Variants in LZTS2 observed in about 807,000 individuals in gnomAD.
LZTS2 encodes leucine zipper putative tumor suppressor 2.
In LZTS2, 32 loss-of-function variants were observed where a neutral mutation model predicts 60.6. That is an observed-to-expected ratio of 0.53 (90% CI 0.40 to 0.71). The LOEUF is 0.71. Ranked by LOEUF, LZTS2 falls within the 30% of genes least tolerant of loss-of-function variation. The pLI, the probability that LZTS2 is intolerant of heterozygous loss-of-function variation, is 0.00. For missense variants in LZTS2, 792 were observed against 901.9 expected (o/e 0.88, Z 1.56); for synonymous variants, 360 against 393.1 (o/e 0.92, Z 1.00).
At chr10:101,007,370 TC>T (rs747171690) in exon 4 of LZTS2, 22 of 1,416,528 alleles carry the variant, frequency 1.6e-5, no homozygotes, top group Non-Finnish European at 1.9e-5. Context: ...CGCTCAAAGG[TC>T]CCCGTGTTCA....
chr10:101,003,073 C>A, intron 1 of LZTS2, 127 bp downstream of exon 2: 2 of 1,192,996 alleles, frequency 1.7e-6, no homozygotes, highest in Non-Finnish European at 2.3e-6. Context: ...GTCCTAATCC[C>A]AGCTCTCTCT....
exon 4 of LZTS2, chr10:101,007,263 TG>T: frequency 7.0e-7 from 1 of 1,431,562 alleles, no homozygotes; most frequent in Non-Finnish European, 9.1e-7. Flanking sequence ...CCCCAAAGGC[TG>T]AGGGCCCCAA....
At position 101,007,125 on chromosome 10, in the gene LZTS2, C is replaced by T. The variant is rs750247593; in HGVS notation, c.1967C>T (p.Ala656Val). ...GCTGACCTGGGCCTGGCCGAGCAGG[C>T]CCCCTGCATCTGCCTGGAGGAGATC... Residue 656 changes from alanine (A) to valine (V), a missense_variant, in exon 4 of 4, where the codon GCC (alanine) becomes GTC (valine). Ala to Val is a moderately conservative substitution (Grantham distance 64, BLOSUM62 0). Coordinates refer to ENST00000370220, the Ensembl canonical transcript of LZTS2. The T allele has an allele frequency of 2.2e-5, 35 of 1,608,266 alleles. No individual in the cohort carries two copies. Among genetic ancestry groups the T allele is most frequent in the Admixed American group, 1.5e-4 (9 of 59,592 alleles).
exon 2 of LZTS2, chr10:101,004,013 C>G (rs1273675490): frequency 6.2e-7 from 1 of 1,613,170 alleles, no homozygotes; most frequent in Admixed American, 1.7e-5. Flanking sequence ...CTGACAGCAG[C>G]TCCTGTGGGG....
At chr10:100,999,450 T>G (rs1192209991), upstream of LZTS2, 1 of 152,476 alleles carries the variant, frequency 6.6e-6, no homozygotes, top group South Asian at 2.1e-4. Context: ...CAGGGAAGCT[T>G]CGCCTGGAGA....
rs1852253560 is a variant in LZTS2 at position 101,007,521 on chromosome 10, TC to T, written c.*359del. The T allele has an allele frequency of 9.7e-6, 13 of 1,337,402 alleles. No individual in the cohort carries two copies. The East Asian group carries it at 1.4e-4, about 14-fold the overall frequency. The allele number at this position is 1,337,402 out of a possible 1,614,324, so 82.8% of individuals were successfully genotyped here. On this transcript the variant is annotated 3_prime_UTR_variant, in exon 4 of 4. Coordinates refer to ENST00000370220, the Ensembl canonical transcript of LZTS2. ...AGAAGGGGCTCCCTCCTCTTCACAT[TC>T]CCCCCGACCCCAAAGCCAGAGAAAG...
intron 1 of LZTS2, 87 bp downstream of exon 2, chr10:101,003,033 G>C: frequency 6.9e-7 from 1 of 1,452,470 alleles, no homozygotes. Flanking sequence ...ATAGAGGAAA[G>C]AGTGTGGGCT....
chr10:101,006,931 G>A (rs1221251075), exon 4 of LZTS2: 2 of 1,535,898 alleles, frequency 1.3e-6, no homozygotes, highest in African/African-American at 2.7e-5. Flanking sequence ...GGGGTGAGGA[G>A]CAGCGGGACA....
At chr10:101,003,389 C>T (rs1229710508) in intron 1 of LZTS2, 118 bp from the exon 3 acceptor site, 2 of 1,095,998 alleles carry the variant, frequency 1.8e-6, no homozygotes, top group Middle Eastern at 2.1e-4. Flanking sequence ...CCACCAGTGG[C>T]CGCAATTGTT....
At position 101,006,661 on chromosome 10, in the gene LZTS2, T is replaced by C. The variant is rs768340088; in HGVS notation, c.1503T>C (p.Ala501=). 272 of 1,588,458 alleles carry C rather than the reference T, an allele frequency of 1.7e-4. No individual in the cohort carries two copies. The highest frequency in any genetic ancestry group is 2.4e-4 in the South Asian group (21 of 88,890). Residue 501 remains alanine (A), a synonymous_variant, in exon 4 of 4, where the codon GCT becomes GCC. Transcript: ENST00000370220. ...GGGGTCTACAGGAGGCCGCCCGAGC[T>C]CGGGAGCTGGAGCTGGAAGCCTGTT...
intron 1 of LZTS2, 157 bp downstream of exon 2, chr10:101,003,103 C>T (rs770916872): frequency 2.7e-4 from 257 of 962,216 alleles, no homozygotes; most frequent in Non-Finnish European, 3.4e-4. Flanking sequence ...TGTGTGACCT[C>T]AGGGAAGTCA....
At chr10:101,002,072 A>G (rs1852050768) in exon 1 of LZTS2, 2 of 154,718 alleles carry the variant, frequency 1.3e-5, no homozygotes, top group African/African-American at 4.8e-5. Context: ...TGCTGATTGC[A>G]CCCCTGAGGT....
upstream of LZTS2, chr10:100,999,438 G>C (rs1401176775): frequency 6.6e-6 from 1 of 152,554 alleles, no homozygotes; most frequent in African/African-American, 2.4e-5. Flanking sequence ...CTGAGAGCGT[G>C]TCAGGGAAGC....
chr10:101,002,850 C>T lies in LZTS2; in HGVS notation c.312C>T (p.Ser104=). The T allele has an allele frequency of 1.9e-6, 3 of 1,613,922 alleles. No homozygotes were observed. In the South Asian group the frequency reaches 3.3e-5, roughly 18 times the overall value. ...GGACAGAGTCACCCCCCAGCCCAAG[C>T]AGTGATGTTGAGGATGCCCGAGAGC... The change falls in exon 1 of 4, where the codon AGC becomes AGT. Residue 104 remains serine, a synonymous_variant. Coordinates refer to ENST00000370220, the Ensembl canonical transcript of LZTS2.
At chr10:101,004,248 C>A in intron 2 of LZTS2, 82 bp downstream of exon 3, 10 of 1,467,366 alleles carry the variant, frequency 6.8e-6, no homozygotes, top group Non-Finnish European at 9.1e-6. Flanking sequence ...TCCATTTTGG[C>A]AGGGAACGGG....
chr10:101,006,057 C>T (rs573950642), intron 3 of LZTS2, among the ~76,000 whole-genome samples: 5 of 152,318 alleles, frequency 3.3e-5, no homozygotes, highest in East Asian at 1.9e-4. Context: ...TAAACTGAGG[C>T]CCATAAAGGC....
At chr10:101,004,139 G>A in exon 2 of LZTS2, 1 of 1,606,714 alleles carries the variant, frequency 6.2e-7, no homozygotes. Flanking sequence ...GGGACAGTCT[G>A]GACGAGAATG....
At chr10:101,005,272 G>A (rs879812027) in intron 2 of LZTS2, among the ~76,000 whole-genome samples, 186 bp from the exon 4 acceptor site, 26 of 152,158 alleles carry the variant, frequency 1.7e-4, no homozygotes, top group African/African-American at 4.8e-5. Context: ...CACCGAGCCC[G>A]GTCTGCTTGC....
At chr10:101,007,462 T>C in exon 4 of LZTS2, 1 of 1,453,058 alleles carries the variant, frequency 6.9e-7, no homozygotes. Flanking sequence ...TCACAGGCGC[T>C]TCCAGCCCAC....
Sources: allele counts gnomAD v4.1 joint callset (sites outside exome capture counted in the v4.1 genomes callset), GRCh38; gene constraint gnomAD v4.1.1; transcripts MANE v1.5; gene names NCBI Gene and HGNC (gene_info 2026-07-23, HGNC 2026-07-21).